DIRAS2: variants seen among roughly 807,000 people sequenced by gnomAD.
DIRAS2 encodes DIRAS family GTPase 2, also known as GTP-binding protein Di-Ras2.
DIRAS2 carries 5 observed loss-of-function variants against 13.9 expected under a neutral mutation model. That is an observed-to-expected ratio of 0.36 (90% CI 0.19 to 0.76). The LOEUF is 0.76. DIRAS2 is among the 30% of genes least tolerant of loss of function. The pLI is 0.53. For synonymous variants in DIRAS2, 111 were observed against 105.4 expected (o/e 1.05, Z -0.33); for missense variants, 191 against 263.0 (o/e 0.73, Z 1.89).
intron 1 of DIRAS2, among the ~76,000 whole-genome samples, chr9:90,629,748 T>C (rs890201402): frequency 6.6e-6 from 1 of 152,232 alleles, no homozygotes; most frequent in Non-Finnish European, 1.5e-5. Context: ...TTAAATGCTA[T>C]GTAAATAGCT....
intron 1 of DIRAS2, among the ~76,000 whole-genome samples, chr9:90,631,666 C>A (rs1040515937): frequency 6.6e-6 from 1 of 152,166 alleles, no homozygotes; most frequent in African/African-American, 2.4e-5. Context: ...CGCTGCTACT[C>A]TACTCACTCA....
chr9:90,614,086 T>C (rs1324289750), intron 1 of DIRAS2, among the ~76,000 whole-genome samples: 1 of 152,074 alleles, frequency 6.6e-6, no homozygotes, highest in African/African-American at 2.4e-5. Context: ...TATTGGACCA[T>C]GACAATGAGC....
chr9:90,618,777 T>G (rs572300749), intron 1 of DIRAS2, among the ~76,000 whole-genome samples: 5 of 152,160 alleles, frequency 3.3e-5, no homozygotes, highest in Non-Finnish European at 7.3e-5. Context: ...TTGACTATAT[T>G]TAATAGTCAA....
chr9:90,621,363 C>T (rs545274444), intron 1 of DIRAS2, among the ~76,000 whole-genome samples: 15 of 151,854 alleles, frequency 9.9e-5, no homozygotes, highest in Non-Finnish European at 1.3e-4. Flanking sequence ...CAGGAGTCAC[C>T]GGGGCCTAGG....
intron 1 of DIRAS2, among the ~76,000 whole-genome samples, chr9:90,619,626 G>C (rs10993609): frequency 6.6e-6 from 1 of 152,024 alleles, no homozygotes; most frequent in African/African-American, 2.4e-5. Context: ...TGCTGTTTTG[G>C]AAAAAATTCT....
intron 1 of DIRAS2, among the ~76,000 whole-genome samples, chr9:90,616,097 C>A (rs749567357): frequency 2.6e-5 from 4 of 152,210 alleles, no homozygotes; most frequent in Non-Finnish European, 5.9e-5. Context: ...CAATGTATCT[C>A]AAAGATCTCT....
rs1825138015 is a variant in DIRAS2, at chr9:90,613,606, C to T, written c.222G>A (p.Leu74=). Residue 74 remains leucine (L), a synonymous_variant, in exon 2 of 2, where the codon CTG becomes CTA. Coordinates refer to ENST00000375765, the MANE Select transcript of DIRAS2 (RefSeq NM_017594.5). This position sits in a 1 kb window ranked among gnomAD's most constrained non-coding sequence, Gnocchi z 5.6. ...GSHQFPAMQR[L]SISKGHAFIL... ...TGAAGGCGTGCCCTTTGGAGATGGA[C>T]AGCCGCTGCATGGCCGGGAACTGGT... 1.2e-6 allele frequency: 2 copies of T among 1,614,178 alleles called. No homozygotes were observed. Among genetic ancestry groups the T allele is most frequent in the Non-Finnish European group, 1.7e-6 (2 of 1,180,050 alleles).
At chr9:90,622,419 T>C (rs1193593315) in intron 1 of DIRAS2, among the ~76,000 whole-genome samples, 3 of 152,082 alleles carry the variant, frequency 2.0e-5, no homozygotes, top group African/African-American at 7.2e-5. Context: ...AATTGAAGAA[T>C]AATTTTCTGT....
chr9:90,614,306 ATGTGTGTGTGTGTGTGTG>A (rs34548591), intron 1 of DIRAS2, among the ~76,000 whole-genome samples: 33 of 134,918 alleles, frequency 2.4e-4, no homozygotes, highest in East Asian at 1.5e-3. Flanking sequence ...GGTCATCATA[ATGTGTGTGTGTGTGTGTG>A]TGTGTGTGTG....
rs1825103312 is a variant in DIRAS2, at chr9:90,610,643, T to A, written c.*2585A>T. ...TACAAATGCTTTAAAAAAATCTAAT[T>A]CTGTGATACTAACTCCTCAAACTCT... On this transcript the variant is annotated 3_prime_UTR_variant, in exon 2 of 2. Coordinates refer to ENST00000375765, the MANE Select transcript of DIRAS2 (RefSeq NM_017594.5). 2.6e-6 allele frequency: 1 copy of A among 381,842 alleles called. No homozygotes were observed. Among genetic ancestry groups the A allele is most frequent in the African/African-American group, 2.1e-5 (1 of 48,332 alleles). 23.7% of individuals were successfully genotyped at this position (381,842 alleles called of 1,614,324 possible).
intron 1 of DIRAS2, among the ~76,000 whole-genome samples, chr9:90,627,987 C>T (rs1486146769): frequency 6.6e-6 from 1 of 151,704 alleles, no homozygotes; most frequent in African/African-American, 2.4e-5. Context: ...ATGTAGCAAA[C>T]CTGCACATTC....
At chr9:90,628,113 A>G (rs1295189906) in intron 1 of DIRAS2, among the ~76,000 whole-genome samples, 1 of 152,240 alleles carries the variant, frequency 6.6e-6, no homozygotes, top group African/African-American at 2.4e-5. Flanking sequence ...GAGAAGACCA[A>G]TTAAAATGCA....
At chr9:90,640,258 T>G (rs1227485643) in intron 1 of DIRAS2, among the ~76,000 whole-genome samples, 2 of 152,230 alleles carry the variant, frequency 1.3e-5, no homozygotes, top group Non-Finnish European at 2.9e-5. Flanking sequence ...AACACTTCAC[T>G]GCATTTAGGA....
At chr9:90,627,098 C>CCA (rs1309663890) in intron 1 of DIRAS2, among the ~76,000 whole-genome samples, 2 of 152,108 alleles carry the variant, frequency 1.3e-5, no homozygotes, top group African/African-American at 2.4e-5. Context: ...TTCCTCCTCC[C>CCA]CACACCCCCA....
At chr9:90,621,527 T>A (rs985362125) in intron 1 of DIRAS2, among the ~76,000 whole-genome samples, 1 of 152,206 alleles carries the variant, frequency 6.6e-6, no homozygotes, top group Non-Finnish European at 1.5e-5. Flanking sequence ...TTTAATAATT[T>A]TTTATAAAAG....
At chr9:90,634,469 C>G (rs1825353734) in intron 1 of DIRAS2, among the ~76,000 whole-genome samples, 1 of 152,214 alleles carries the variant, frequency 6.6e-6, no homozygotes, top group Non-Finnish European at 1.5e-5. Flanking sequence ...CTGAGGAGCT[C>G]TTGGCAGGCT....
rs931144966 is a variant in DIRAS2, at chr9:90,612,815, G to T, written c.*413C>A. On this transcript the variant is annotated 3_prime_UTR_variant, in exon 2 of 2. Transcript: ENST00000375765. The stretch of plus-strand genomic sequence containing the variant: ...CTTCCTGCCCCTCCCCTCCCCCAAA[G>T]ATGTGATTGGCTTCTGTCTGGGGTT... 5.4e-6 allele frequency: 1 copy of T among 185,960 alleles called. No homozygotes were observed. Among genetic ancestry groups the T allele is most frequent in the Admixed American group, 5.4e-5 (1 of 18,636 alleles). 11.5% of individuals were successfully genotyped at this position (185,960 alleles called of 1,614,324 possible).
intron 1 of DIRAS2, among the ~76,000 whole-genome samples, chr9:90,633,513 ACATGTCCAGGGCTAGCT>A (rs1825345551): frequency 6.6e-6 from 1 of 152,222 alleles, no homozygotes; most frequent in Non-Finnish European, 1.5e-5. Context: ...ACAGGTGGAT[ACATGTCCAGGGCTAGCT>A]ATAGCATCTG....
At chr9:90,637,405 C>A (rs554687829) in intron 1 of DIRAS2, among the ~76,000 whole-genome samples, 13 of 152,304 alleles carry the variant, frequency 8.5e-5, no homozygotes, top group African/African-American at 2.9e-4. Flanking sequence ...GTAGAGAAAA[C>A]TCCTGTAAAT....
Sources: allele counts gnomAD v4.1 joint callset (sites outside exome capture counted in the v4.1 genomes callset), GRCh38; gene constraint gnomAD v4.1.1; non-coding constraint Gnocchi (gnomAD v3.1); transcripts MANE v1.5; gene names NCBI Gene and HGNC (gene_info 2026-07-23, HGNC 2026-07-21).